The following DPYD variants were observed in gnomAD, a reference collection of about 807,000 sequenced individuals.
DPYD encodes dihydropyrimidine dehydrogenase, also known as dihydropyrimidine dehydrogenase [NADP(+)].
DPYD carries 109 observed loss-of-function variants against 116.2 expected under a neutral mutation model. That is an observed-to-expected ratio of 0.94 (90% CI 0.80 to 1.10). The LOEUF is 1.10. Among genes scored for constraint, DPYD ranks in the 50% least tolerant of loss-of-function variants. The pLI is 0.00. For synonymous variants in DPYD, 440 were observed against 432.0 expected, an observed-to-expected ratio of 1.02 and a Z score of -0.23; for missense variants, 1,302 against 1,254.5, an observed-to-expected ratio of 1.04 and a Z score of -0.57.
At chr1:97,675,128 A>G (rs1400320267) in intron 8 of DPYD, among the ~76,000 whole-genome samples, 1 of 152,202 alleles carries the variant, frequency 6.6e-6, no homozygotes, top group Admixed American at 6.6e-5. Context: ...GATATGTTCT[A>G]TTCTATTATT....
intron 8 of DPYD, among the ~76,000 whole-genome samples, chr1:97,633,263 C>A (rs1303500798): frequency 6.6e-6 from 1 of 151,766 alleles, no homozygotes; most frequent in Admixed American, 6.6e-5. Flanking sequence ...TATTTTGGAC[C>A]ACGAAATGAG....
chr1:97,564,883 G>A (rs1375701759), intron 11 of DPYD, among the ~76,000 whole-genome samples: 3 of 151,976 alleles, frequency 2.0e-5, no homozygotes, highest in African/African-American at 7.3e-5. Flanking sequence ...TACTGACACT[G>A]TAGTTCCACA....
chr1:97,611,489 AAATC>A (rs1411730870), intron 8 of DPYD, among the ~76,000 whole-genome samples: 1 of 152,052 alleles, frequency 6.6e-6, no homozygotes, highest in Non-Finnish European at 1.5e-5. Context: ...TTATTGTTGA[AAATC>A]AAGTAAATAT....
chr1:97,081,712 CTTTTCTTTTTTTTTTT>C (rs1001553420), intron 22 of DPYD, among the ~76,000 whole-genome samples: 6 of 138,582 alleles, frequency 4.3e-5, no homozygotes, highest in African/African-American at 1.0e-4. Flanking sequence ...CTTTTCTTTT[CTTTTCTTTTTTTTTTT>C]TTTTTTCCTG....
rs545521851 is a variant in DPYD, at chr1:97,323,587, T to C, written c.2059-17290A>G. ...TATATACACGTATATATACATATCA[T>C]ATATACATATATGTGTATATATACA... On this transcript the variant is annotated intron_variant, in intron 16 of 22. Coordinates refer to ENST00000370192, the MANE Select transcript of DPYD (RefSeq NM_000110.4). Among the ~76,000 whole-genome samples the C allele has an allele frequency of 3.7e-4, 31 of 84,044 alleles. 2 individuals are homozygous for C. The highest frequency in any genetic ancestry group is 1.1e-3 in the African/African-American group (30 of 26,424). 55.1% of individuals were successfully genotyped at this position (84,044 alleles called of 152,430 possible). A position where few individuals can be genotyped will look rare whatever the true frequency, so the allele number is the denominator to read the frequency against.
At chr1:97,824,658 G>A (rs1228203103) in intron 3 of DPYD, among the ~76,000 whole-genome samples, 11 of 152,020 alleles carry the variant, frequency 7.2e-5, no homozygotes, top group Admixed American at 7.2e-4. Context: ...ACAGAAAAAC[G>A]GCCAGGAATT....
intron 18 of DPYD, among the ~76,000 whole-genome samples, chr1:97,295,143 C>G (rs1424114761): frequency 1.3e-5 from 2 of 152,174 alleles, no homozygotes; most frequent in Non-Finnish European, 1.5e-5. Flanking sequence ...TCTTAAGTAT[C>G]TAGACTTGAG....
intron 20 of DPYD, among the ~76,000 whole-genome samples, chr1:97,141,966 A>G (rs1654258590): frequency 6.6e-6 from 1 of 152,184 alleles, no homozygotes; most frequent in South Asian, 2.1e-4. Flanking sequence ...CTAGAACCAC[A>G]CACGAAAACT....
intron 3 of DPYD, among the ~76,000 whole-genome samples, chr1:97,827,731 C>T (rs1305933502): frequency 1.3e-5 from 2 of 151,938 alleles, no homozygotes; most frequent in African/African-American, 4.8e-5. Context: ...AAGTACCTCT[C>T]TTTAAATTAA....
At chr1:97,562,748 T>C (rs1339788518) in intron 11 of DPYD, among the ~76,000 whole-genome samples, 1 of 152,190 alleles carries the variant, frequency 6.6e-6, no homozygotes, top group African/African-American at 2.4e-5. Flanking sequence ...AGATGGAGTC[T>C]CACTCTGTTG....
intron 13 of DPYD, among the ~76,000 whole-genome samples, chr1:97,471,736 C>T (rs550681651): frequency 1.3e-5 from 2 of 151,868 alleles, no homozygotes; most frequent in African/African-American, 4.8e-5. Flanking sequence ...ATTACAGGCG[C>T]CCACCACCAT....
rs12727481 is a variant in DPYD at position 97,291,450 on chromosome 1, A to G, written c.2299+13809T>C. Among the ~76,000 whole-genome samples the G allele has an allele frequency of 1.3e-5, 2 of 151,894 alleles. 1 individual carries two copies. The highest frequency in any genetic ancestry group is 6.9e-3 in the Middle Eastern group (2 of 290). Reference sequence around the variant, plus strand: ...TTGGAACCAACCCAAATGTCCAACAATGATAGACTGGATTAAGAAAATGTG... The same window carrying G: ...TTGGAACCAACCCAAATGTCCAACAGTGATAGACTGGATTAAGAAAATGTG... On this transcript the variant is annotated intron_variant, in intron 18 of 22. Transcript: ENST00000370192.
intron 8 of DPYD, among the ~76,000 whole-genome samples, chr1:97,596,517 C>T (rs975353990): frequency 2.0e-5 from 3 of 152,096 alleles, no homozygotes; most frequent in African/African-American, 7.2e-5. Context: ...TAATTCATCT[C>T]AATTCCATAA....
intron 12 of DPYD, among the ~76,000 whole-genome samples, chr1:97,525,722 A>C (rs2102004188): frequency 6.7e-6 from 1 of 150,262 alleles, no homozygotes; most frequent in South Asian, 2.1e-4. Context: ...TCCAAGAGCC[A>C]TCTAGTGGGA....
chr1:97,498,558 C>T (rs1040840219), intron 13 of DPYD, among the ~76,000 whole-genome samples: 1 of 151,190 alleles, frequency 6.6e-6, no homozygotes, highest in Non-Finnish European at 1.5e-5. Context: ...ATGAAGTTCT[C>T]AACAGATAAT....
intron 8 of DPYD, among the ~76,000 whole-genome samples, chr1:97,620,534 C>A (rs920888716): frequency 6.6e-6 from 1 of 152,140 alleles, no homozygotes; most frequent in African/African-American, 2.4e-5. Context: ...AGATTTCTTA[C>A]TGGCAACATC....
intron 12 of DPYD, among the ~76,000 whole-genome samples, chr1:97,522,159 T>C (rs1648728544): frequency 6.6e-6 from 1 of 152,228 alleles, no homozygotes; most frequent in Non-Finnish European, 1.5e-5. Context: ...TCTATCCATC[T>C]GACAAAGGGC....
chr1:97,852,214 T>C (rs996217795), intron 2 of DPYD, among the ~76,000 whole-genome samples: 1 of 151,988 alleles, frequency 6.6e-6, no homozygotes. Flanking sequence ...TTGAATTCTG[T>C]TTTAATTTAC....
At chr1:97,208,252 C>T (rs567532798) in intron 19 of DPYD, among the ~76,000 whole-genome samples, 2 of 132,216 alleles carry the variant, frequency 1.5e-5, no homozygotes, top group African/African-American at 2.8e-5. Context: ...CTTTCTCTTT[C>T]TTTCTTTCTT....
Sources: allele counts gnomAD v4.1 joint callset (sites outside exome capture counted in the v4.1 genomes callset), GRCh38; gene constraint gnomAD v4.1.1; transcripts MANE v1.5; gene names NCBI Gene and HGNC (gene_info 2026-07-23, HGNC 2026-07-21).